The following TMTC1 variants were observed in gnomAD, a reference collection of about 807,000 sequenced individuals.
TMTC1 encodes protein O-mannosyl-transferase TMTC1.
Under a neutral mutation model 104.8 loss-of-function variants are expected in TMTC1, and 73 were observed. The ratio of observed to expected loss-of-function variants is 0.70; its 90% CI spans 0.58 to 0.85. The LOEUF (loss-of-function observed/expected upper bound fraction) is 0.85, where lower values mean the gene tolerates loss of function less well. TMTC1 is among the 40% of genes least tolerant of loss of function. The pLI is 0.00. For synonymous variants in TMTC1, 434 were observed against 428.7 expected (o/e 1.01, Z -0.15); for missense variants, 1,035 against 1,096.1 (o/e 0.94, Z 0.79).
At chr12:29,672,970 GC>G (rs1391680749) in intron 5 of TMTC1, among the ~76,000 whole-genome samples, 1 of 152,118 alleles carries the variant, frequency 6.6e-6, no homozygotes, top group East Asian at 1.9e-4. Flanking sequence ...CACCCCTAAT[GC>G]CCTTTCAATT....
At chr12:29,620,158 G>A (rs946500005) in intron 6 of TMTC1, among the ~76,000 whole-genome samples, 8 of 152,174 alleles carry the variant, frequency 5.3e-5, no homozygotes, top group African/African-American at 1.9e-4. Context: ...CATGATGCTG[G>A]AACAACACAG....
At chr12:29,764,892 T>C (rs533452912) in intron 2 of TMTC1, among the ~76,000 whole-genome samples, 1 of 152,322 alleles carries the variant, frequency 6.6e-6, no homozygotes, top group African/African-American at 2.4e-5. Context: ...AACCAGTTCC[T>C]GATCATACTG....
At chr12:29,720,917 C>A (rs567340140) in intron 5 of TMTC1, among the ~76,000 whole-genome samples, 2 of 151,830 alleles carry the variant, frequency 1.3e-5, no homozygotes, top group Non-Finnish European at 2.9e-5. Flanking sequence ...AAGAGAAAAC[C>A]CTGATTATAT....
chr12:29,585,616 G>T (rs1360401597), intron 7 of TMTC1, among the ~76,000 whole-genome samples: 3 of 152,112 alleles, frequency 2.0e-5, no homozygotes, highest in Non-Finnish European at 2.9e-5. Flanking sequence ...TTAATTTTTT[G>T]TATAAGATGT....
intron 9 of TMTC1, among the ~76,000 whole-genome samples, chr12:29,566,019 C>G (rs1250813100): frequency 6.6e-6 from 1 of 152,112 alleles, no homozygotes; most frequent in African/African-American, 2.4e-5. Flanking sequence ...ACACAATTAA[C>G]AAAACGATAG....
intron 9 of TMTC1, among the ~76,000 whole-genome samples, chr12:29,559,493 T>A (rs952894265): frequency 2.0e-5 from 3 of 152,210 alleles, no homozygotes; most frequent in Non-Finnish European, 2.9e-5. Flanking sequence ...CCCTGAACTC[T>A]TAAAAACAAA....
intron 11 of TMTC1, among the ~76,000 whole-genome samples, chr12:29,531,583 T>C (rs1363356969): frequency 2.0e-5 from 3 of 152,180 alleles, no homozygotes; most frequent in Non-Finnish European, 4.4e-5. Context: ...AAGAGTAGGA[T>C]GGTTAAAAAT....
intron 5 of TMTC1, among the ~76,000 whole-genome samples, chr12:29,650,072 TTTTTC>T (rs1427795184): frequency 9.9e-5 from 15 of 152,002 alleles, no homozygotes; most frequent in Admixed American, 3.3e-4. Flanking sequence ...ACTTTCTCTT[TTTTTC>T]TTTTCTTTTC....
At chr12:29,675,527 G>C (rs896276374) in intron 5 of TMTC1, among the ~76,000 whole-genome samples, 9 of 151,802 alleles carry the variant, frequency 5.9e-5, no homozygotes, top group African/African-American at 2.2e-4. Context: ...AACTGCTAAG[G>C]AGTAGTTCTG....
At chr12:29,683,289 G>A (rs1436857626) in intron 5 of TMTC1, among the ~76,000 whole-genome samples, 2 of 152,118 alleles carry the variant, frequency 1.3e-5, no homozygotes, top group Non-Finnish European at 2.9e-5. Flanking sequence ...ACTGAAATCA[G>A]TAGAAACTCT....
intron 1 of TMTC1, among the ~76,000 whole-genome samples, chr12:29,772,474 A>C (rs2120567608): frequency 6.6e-6 from 1 of 152,316 alleles, no homozygotes; most frequent in East Asian, 1.9e-4. Context: ...GGGAGAAAGC[A>C]TATTTCTGGA....
chr12:29,673,305 C>A (rs1383545888), intron 5 of TMTC1, among the ~76,000 whole-genome samples: 1 of 152,168 alleles, frequency 6.6e-6, no homozygotes, highest in East Asian at 1.9e-4. Flanking sequence ...AGAATCACAG[C>A]CGCTCTTAGC....
chr12:29,743,826 T>G (rs1942886128), intron 5 of TMTC1, among the ~76,000 whole-genome samples: 1 of 152,146 alleles, frequency 6.6e-6, no homozygotes, highest in African/African-American at 2.4e-5. Context: ...ATTAAACTGG[T>G]TGATAGTAGC....
intron 2 of TMTC1, among the ~76,000 whole-genome samples, chr12:29,767,275 C>T (rs1202279669): frequency 6.6e-6 from 1 of 152,138 alleles, no homozygotes; most frequent in Non-Finnish European, 1.5e-5. Flanking sequence ...ATAAATTTTT[C>T]ATCACCCACA....
intron 2 of TMTC1, among the ~76,000 whole-genome samples, chr12:29,760,568 T>C (rs1367456950): frequency 1.3e-5 from 2 of 152,180 alleles, no homozygotes; most frequent in Non-Finnish European, 2.9e-5. Context: ...ACGTCTTAAC[T>C]GTGGAATCAA....
chr12:29,569,987 T>C (rs114599710), intron 9 of TMTC1, among the ~76,000 whole-genome samples: 1,813 of 152,322 alleles, frequency 0.012, 28 homozygotes, highest in African/African-American at 0.042. Context: ...GAATTTTGTT[T>C]AATTTATACC....
intron 6 of TMTC1, among the ~76,000 whole-genome samples, chr12:29,632,493 T>C (rs1474691809): frequency 6.6e-6 from 1 of 152,160 alleles, no homozygotes; most frequent in Admixed American, 6.5e-5. Context: ...CCCCTTCCCC[T>C]TCACTGGGCA....
chr12:29,581,491 G>C (rs1283897436), intron 8 of TMTC1, among the ~76,000 whole-genome samples: 1 of 152,122 alleles, frequency 6.6e-6, no homozygotes, highest in African/African-American at 2.4e-5. Flanking sequence ...ATCAATTGAT[G>C]TGAAGATACT....
At chr12:29,713,224 C>T (rs1326067892) in intron 5 of TMTC1, among the ~76,000 whole-genome samples, 1 of 151,590 alleles carries the variant, frequency 6.6e-6, no homozygotes, top group African/African-American at 2.4e-5. Context: ...TGCAAGTCTG[C>T]CCTGCAGGCT....
Sources: allele counts gnomAD v4.1 joint callset (sites outside exome capture counted in the v4.1 genomes callset), GRCh38; gene constraint gnomAD v4.1.1; transcripts MANE v1.5; gene names NCBI Gene and HGNC (gene_info 2026-07-23, HGNC 2026-07-21).